PTPRS: variants seen among roughly 807,000 people sequenced by gnomAD.
PTPRS encodes receptor-type tyrosine-protein phosphatase S.
A neutral mutation model predicts 215.3 loss-of-function variants in PTPRS; 63 were observed. That is an observed-to-expected ratio of 0.29 (90% confidence interval 0.24 to 0.36). The LOEUF is 0.36. PTPRS is among the 10% of genes least tolerant of loss of function. The pLI is 1.00. For synonymous variants in PTPRS, 1,404 were observed against 1,191.4 expected, an observed-to-expected ratio of 1.18 and a Z score of -3.68; for missense variants, 2,258 against 2,825.8, an observed-to-expected ratio of 0.80 and a Z score of 4.56.
intron 28 of PTPRS, among the ~76,000 whole-genome samples, 158 bp from the exon 29 acceptor site, chr19:5,214,894 A>G (rs961316651): frequency 6.6e-6 from 1 of 152,222 alleles, no homozygotes; most frequent in Non-Finnish European, 1.5e-5. Context: ...CCTCAGCGCC[A>G]TCACCATTTG....
intron 11 of PTPRS, among the ~76,000 whole-genome samples, chr19:5,240,562 G>C (rs373207147): frequency 6.6e-6 from 1 of 152,008 alleles, no homozygotes; most frequent in Non-Finnish European, 1.5e-5. Flanking sequence ...CCTTTCGGCC[G>C]GGCACGGTGG....
chr19:5,304,480 AT>A (rs2049412188), intron 1 of PTPRS, among the ~76,000 whole-genome samples: 1 of 151,900 alleles, frequency 6.6e-6, no homozygotes, highest in African/African-American at 2.4e-5. Flanking sequence ...TCTCAAAAAA[AT>A]AAAATAAAAA....
chr19:5,240,164 C>G (rs1196926439), intron 12 of PTPRS, 35 bp downstream of exon 12: 2 of 1,487,832 alleles, frequency 1.3e-6, no homozygotes, highest in African/African-American at 2.8e-5. Flanking sequence ...GGGGAGGAGC[C>G]CAGGGCAGGC....
In PTPRS at chr19:5,287,120, G is replaced by C. The variant is rs2048412701; in HGVS notation, c.-94-886C>G. On this transcript the variant is annotated intron_variant, in intron 1 of 37. Coordinates refer to ENST00000262963, the MANE Select transcript of PTPRS (RefSeq NM_002850.4). This position sits in a 1 kb window ranked among gnomAD's most constrained non-coding sequence, Gnocchi z 4.8. The stretch of plus-strand genomic sequence containing the variant: ...CTGACTTCACTGTTTCCTCTCGCTT[G>C]GAGGTACAGCCAGGCCAGCCAAGCT... Among the ~76,000 whole-genome samples the C allele has an allele frequency of 6.6e-6, 1 of 152,090 alleles. No individual in the cohort carries two copies.
intron 5 of PTPRS, 100 bp downstream of exon 5, chr19:5,264,908 G>T: frequency 7.3e-7 from 1 of 1,368,044 alleles, no homozygotes; most frequent in Non-Finnish European, 1.0e-6. Context: ...CACTGTCTCT[G>T]TCTGTCCTCC....
chr19:5,211,935 C>A (rs200218686), intron 32 of PTPRS, 30 bp downstream of exon 32: 3 of 1,556,392 alleles, frequency 1.9e-6, no homozygotes, highest in African/African-American at 2.7e-5. Context: ...CTCCCCACCC[C>A]GCCCACAGCA....
chr19:5,323,679 G>A (rs777603168), intron 1 of PTPRS, among the ~76,000 whole-genome samples: 18 of 152,218 alleles, frequency 1.2e-4, no homozygotes, highest in Admixed American at 3.3e-4. Flanking sequence ...AGGAGGGGAC[G>A]GCAGGGAAGG....
chr19:5,260,711 G>C, intron 7 of PTPRS, 94 bp downstream of exon 7: 8 of 1,493,176 alleles, frequency 5.4e-6, no homozygotes, highest in Non-Finnish European at 7.4e-6. Flanking sequence ...GACACGCATG[G>C]AAGGGGGCCT....
rs1352291696 is a variant in PTPRS, at chr19:5,212,363, A to C, written c.4743T>G (p.Asp1581Glu). Residue 1581 changes from aspartate to glutamate, a missense_variant, in exon 31 of 38, where the codon GAT becomes GAG. By Grantham distance (45) the Asp-to-Glu change is conservative (BLOSUM62 2). Around this residue, in one of 6 missense-constraint regions of PTPRS, gnomAD observed 927 missense variants for 1,125.9 expected, o/e 0.82. Coordinates refer to ENST00000262963, the MANE Select transcript of PTPRS (RefSeq NM_002850.4). The stretch of plus-strand genomic sequence containing the variant: ...TGCAGTGAACCACGATGGGGCCGGC[A>C]TCTGGCGGGTTGCAGGTCTTGACTC... ...LRRVKTCNPPDAGPIVVHCSA... is the reference protein window; with the variant it reads ...LRRVKTCNPPEAGPIVVHCSA... 1 of 1,611,670 alleles carries C rather than the reference A, an allele frequency of 6.2e-7. No individual in the cohort carries two copies. The highest frequency in any genetic ancestry group is 8.5e-7 in the Non-Finnish European group (1 of 1,179,000).
At chr19:5,286,711 A>G (rs1396266279) in intron 1 of PTPRS, among the ~76,000 whole-genome samples, 1 of 152,140 alleles carries the variant, frequency 6.6e-6, no homozygotes. Context: ...TCTGTCATTT[A>G]TAAGCCACTT....
intron 13 of PTPRS, among the ~76,000 whole-genome samples, chr19:5,236,289 T>G (rs528279235): frequency 1.3e-5 from 2 of 152,302 alleles, no homozygotes; most frequent in Admixed American, 1.3e-4. Flanking sequence ...GTGAGGAAAC[T>G]GAGGCTCAGA....
chr19:5,305,872 G>A (rs1178835078), intron 1 of PTPRS, among the ~76,000 whole-genome samples: 4 of 131,480 alleles, frequency 3.0e-5, no homozygotes, highest in Non-Finnish European at 4.7e-5. Context: ...CCCGGAAGGC[G>A]GAGGTTGCAG....
chr19:5,273,415 C>A (rs752992384), intron 4 of PTPRS, 27 bp downstream of exon 4: 2 of 1,613,936 alleles, frequency 1.2e-6, no homozygotes, highest in Admixed American at 3.3e-5. Context: ...CCAGTTTATC[C>A]TCCGCCCGCC....
intron 22 of PTPRS, among the ~76,000 whole-genome samples, 185 bp downstream of exon 22, chr19:5,219,754 T>A (rs2041811977): frequency 6.6e-6 from 1 of 152,202 alleles, no homozygotes; most frequent in Admixed American, 6.5e-5. Context: ...ACGCCCCAGC[T>A]CCAAGGTCTC....
chr19:5,229,193 A>C (rs1048376870), intron 16 of PTPRS, 123 bp downstream of exon 16: 5 of 1,108,798 alleles, frequency 4.5e-6, no homozygotes, highest in Non-Finnish European at 5.8e-6. Flanking sequence ...CGAGGGGCGC[A>C]TGGGAGGGCC....
Position 5,306,075 on chromosome 19 carries a change from T to C in PTPRS, c.-94-19841A>G, listed in dbSNP as rs142697703. On this transcript the variant is annotated intron_variant, in intron 1 of 37. Coordinates refer to ENST00000262963, the MANE Select transcript of PTPRS (RefSeq NM_002850.4). ...CTAATGCTCCCCTGGAAGCAACCTC[T>C]GCCATTACCATCTATCTTTGTGTCT... Among the ~76,000 whole-genome samples, 1,153 of 150,512 alleles carry C rather than the reference T, an allele frequency of 7.7e-3. 15 individuals carry two copies. The highest frequency in any genetic ancestry group is 0.014 in the Admixed American group (205 of 15,080).
At chr19:5,283,957 G>A (rs1040575846) in intron 2 of PTPRS, among the ~76,000 whole-genome samples, 1 of 152,144 alleles carries the variant, frequency 6.6e-6, no homozygotes, top group African/African-American at 2.4e-5. Flanking sequence ...ACTCACGCCT[G>A]TAATCCCAGT....
intron 4 of PTPRS, 129 bp downstream of exon 4, chr19:5,273,312 AG>A (rs750877513): frequency 7.8e-7 from 1 of 1,274,154 alleles, no homozygotes; most frequent in South Asian, 1.2e-5. Context: ...TGGTTGGATA[AG>A]GGAGATCAAG....
intron 1 of PTPRS, among the ~76,000 whole-genome samples, chr19:5,297,029 T>A (rs901486291): frequency 2.0e-5 from 3 of 152,138 alleles, no homozygotes; most frequent in Non-Finnish European, 4.4e-5. Context: ...GGATGACTTC[T>A]GGGTTTTTGG....
Sources: allele counts gnomAD v4.1 joint callset (sites outside exome capture counted in the v4.1 genomes callset), GRCh38; gene constraint gnomAD v4.1.1; regional missense constraint gnomAD v4.1.1; non-coding constraint Gnocchi (gnomAD v3.1); transcripts MANE v1.5; gene names NCBI Gene and HGNC (gene_info 2026-07-23, HGNC 2026-07-21).